Variants in EBF2 observed in about 807,000 individuals in gnomAD.
EBF2 encodes EBF transcription factor 2.
EBF2 carries 21 observed loss-of-function variants against 72.8 expected under a neutral mutation model. That is an observed-to-expected ratio of 0.29 (90% CI 0.20 to 0.42). The LOEUF is 0.42. Among genes scored for constraint, EBF2 ranks in the 10% least tolerant of loss-of-function variants. EBF2 has a pLI of 1.00. For missense variants in EBF2, 637 were observed against 731.2 expected, an observed-to-expected ratio of 0.87 and a Z score of 1.49; for synonymous variants, 299 against 274.2, an observed-to-expected ratio of 1.09 and a Z score of -0.89.
intron 14 of EBF2, among the ~76,000 whole-genome samples, chr8:25,856,579 T>G (rs931653225): frequency 4.6e-5 from 7 of 152,204 alleles, no homozygotes; most frequent in African/African-American, 1.7e-4. Flanking sequence ...CTTTGTAAGC[T>G]GTAAAGTGGA....
At chr8:26,026,916 A>C (rs1360563292) in intron 6 of EBF2, among the ~76,000 whole-genome samples, 1 of 152,226 alleles carries the variant, frequency 6.6e-6, no homozygotes, top group African/African-American at 2.4e-5. Flanking sequence ...TTGAGAATTA[A>C]GATGATTTTA....
intron 7 of EBF2, among the ~76,000 whole-genome samples, chr8:25,897,508 C>T (rs1802879886): frequency 6.6e-6 from 1 of 152,138 alleles, no homozygotes; most frequent in South Asian, 2.1e-4. Flanking sequence ...CAGCCCTCTC[C>T]TCCTTCCCTT....
intron 6 of EBF2, among the ~76,000 whole-genome samples, chr8:25,933,015 G>A (rs1227526729): frequency 6.6e-6 from 1 of 152,118 alleles, no homozygotes; most frequent in East Asian, 1.9e-4. Flanking sequence ...TGTGCTTAAA[G>A]GGGCAGCCCA....
intron 9 of EBF2, among the ~76,000 whole-genome samples, chr8:25,887,362 G>A (rs988644555): frequency 1.1e-4 from 16 of 152,022 alleles, no homozygotes; most frequent in Non-Finnish European, 2.4e-4. Context: ...TTATCTTTTT[G>A]TCATGTTTTA....
chr8:25,852,871 G>A (rs1461908804), intron 14 of EBF2, among the ~76,000 whole-genome samples: 1 of 152,180 alleles, frequency 6.6e-6, no homozygotes, highest in African/African-American at 2.4e-5. Context: ...TAAGAGACAG[G>A]AAGTTTTGTT....
chr8:26,018,931 T>TC (rs1805158653), intron 6 of EBF2, among the ~76,000 whole-genome samples: 1 of 107,572 alleles, frequency 9.3e-6, no homozygotes, highest in South Asian at 3.1e-4. Flanking sequence ...TCCATGGCAA[T>TC]AAAAAAAAAA....
intron 6 of EBF2, among the ~76,000 whole-genome samples, chr8:25,913,257 G>A (rs202225438): frequency 1.3e-5 from 2 of 151,984 alleles, no homozygotes; most frequent in Non-Finnish European, 2.9e-5. Context: ...CCTGACCAAC[G>A]TGGTGAAGCC....
chr8:26,000,839 C>G (rs1233639560), intron 6 of EBF2, among the ~76,000 whole-genome samples: 1 of 152,248 alleles, frequency 6.6e-6, no homozygotes. Flanking sequence ...ACAACATAAC[C>G]GTAAAAATGC....
At chr8:26,003,772 A>C (rs1804780311) in intron 6 of EBF2, among the ~76,000 whole-genome samples, 1 of 152,134 alleles carries the variant, frequency 6.6e-6, no homozygotes, top group Admixed American at 6.5e-5. Flanking sequence ...GAGAAGGGGC[A>C]ATCGTTACTG....
intron 6 of EBF2, among the ~76,000 whole-genome samples, chr8:26,005,561 T>TAGAGTGAGAGAGAGAGAG: frequency 1.6e-5 from 1 of 63,900 alleles, no homozygotes; most frequent in Non-Finnish European, 2.6e-5. Context: ...TATATATATA[T>TAGAGTGAGAGAGAGAGAG]AGAGAGAGAG....
intron 6 of EBF2, among the ~76,000 whole-genome samples, chr8:25,960,824 G>A (rs1346303898): frequency 2.0e-5 from 3 of 152,180 alleles, no homozygotes; most frequent in Non-Finnish European, 4.4e-5. Flanking sequence ...ATTATAATAT[G>A]TAATTAATGA....
rs188060214 is a variant in EBF2, at chr8:25,921,822, C to T, written c.552-13267G>A. Reference sequence around the variant, plus strand: ...TCTCTTTAAAAAATTGCTCCTCAAACGAAACGTCTCATGGGAGAACCAGAG... The same window carrying T: ...TCTCTTTAAAAAATTGCTCCTCAAATGAAACGTCTCATGGGAGAACCAGAG... On this transcript the variant is annotated intron_variant, in intron 6 of 15. Transcript: ENST00000520164. Among the ~76,000 whole-genome samples, 1,075 of 152,282 alleles carry T rather than the reference C, an allele frequency of 7.1e-3. 4 individuals carry two copies. The highest frequency in any genetic ancestry group is 8.4e-3 in the Non-Finnish European group (572 of 68,012).
chr8:25,928,861 C>A (rs535231525), intron 6 of EBF2, among the ~76,000 whole-genome samples: 4 of 150,078 alleles, frequency 2.7e-5, no homozygotes, highest in African/African-American at 9.8e-5. Context: ...GGAAGTGGAC[C>A]AGGCTTGGCC....
intron 6 of EBF2, chr8:26,031,984 T>A (rs1805415460): frequency 6.6e-6 from 1 of 152,158 alleles, no homozygotes; most frequent in South Asian, 2.1e-4. Flanking sequence ...ACTATACACA[T>A]CCAACAAACA....
At chr8:25,944,578 A>G (rs1803733126) in intron 6 of EBF2, among the ~76,000 whole-genome samples, 1 of 148,792 alleles carries the variant, frequency 6.7e-6, no homozygotes, top group Non-Finnish European at 1.5e-5. Flanking sequence ...TATTGAATAT[A>G]TTACAATATT....
chr8:25,955,789 T>C (rs1803934783), intron 6 of EBF2, among the ~76,000 whole-genome samples: 1 of 152,174 alleles, frequency 6.6e-6, no homozygotes, highest in South Asian at 2.1e-4. Flanking sequence ...CATTCTGGCT[T>C]ACATTTAAGT....
intron 6 of EBF2, among the ~76,000 whole-genome samples, chr8:25,941,412 G>A (rs1389476819): frequency 3.9e-5 from 6 of 152,032 alleles, no homozygotes; most frequent in African/African-American, 7.2e-5. Flanking sequence ...TGCCACGTTC[G>A]TCAGGCTGGT....
chr8:25,924,152 G>A (rs549335604), intron 6 of EBF2, among the ~76,000 whole-genome samples: 30 of 152,224 alleles, frequency 2.0e-4, no homozygotes, highest in Admixed American at 4.6e-4. Flanking sequence ...GCCTACTCTC[G>A]TCCCTCATAC....
intron 6 of EBF2, among the ~76,000 whole-genome samples, chr8:26,029,550 C>T (rs1805363700): frequency 1.3e-5 from 2 of 152,196 alleles, no homozygotes; most frequent in African/African-American, 2.4e-5. Flanking sequence ...CATCCTCTCC[C>T]TCTCCCTGGA....
Sources: allele counts gnomAD v4.1 joint callset (sites outside exome capture counted in the v4.1 genomes callset), GRCh38; gene constraint gnomAD v4.1.1; transcripts MANE v1.5; gene names NCBI Gene and HGNC (gene_info 2026-07-23, HGNC 2026-07-21).